Variants in ATP7B observed in about 807,000 individuals in gnomAD.
ATP7B encodes the protein copper-transporting ATPase 2.
Under a neutral mutation model 118.9 loss-of-function variants are expected in ATP7B, and 113 were observed. The ratio of observed to expected loss-of-function variants is 0.95; its 90% CI spans 0.82 to 1.11. The LOEUF is 1.11. Ranked by LOEUF, ATP7B falls within the 50% of genes most tolerant of loss-of-function variation. The probability of loss-of-function intolerance (pLI) is 0.00; values close to 1 mark genes in which losing one functional copy is unlikely to be tolerated. For missense variants in ATP7B, 1,867 were observed against 1,871.4 expected (o/e 1.00, Z 0.04); for synonymous variants, 777 against 727.4 (o/e 1.07, Z -1.10).
chr13:51,980,675 A>G (rs957847399), intron 1 of ATP7B, among the ~76,000 whole-genome samples: 1 of 152,220 alleles, frequency 6.6e-6, no homozygotes, highest in Non-Finnish European at 1.5e-5. Context: ...TGTGATCACA[A>G]ATCAAAAAAT....
chr13:51,968,489 T>A lies in ATP7B; in HGVS notation c.1662A>T (p.Ala554=), dbSNP rs772213495. The change falls in exon 4 of 21, where the codon GCA becomes GCT. Residue 554 remains alanine, a synonymous_variant. Transcript: ENST00000242839. Reference sequence around the variant, plus strand: ...CGGAGCCTGCGTAGTCCTCCATGACTGCTGCCTCAAAACCCAGGTCCTGGA... The same window carrying A: ...CGGAGCCTGCGTAGTCCTCCATGACAGCTGCCTCAAAACCCAGGTCCTGGA... ...QFIQDLGFEA[A]VMEDYAGSDG... is the part of the protein sequence containing the mutation. 6.2e-7 allele frequency: 1 copy of A among 1,614,080 alleles called. No homozygotes were observed. The highest frequency in any genetic ancestry group is 8.5e-7 in the Non-Finnish European group (1 of 1,180,042).
At chr13:51,995,904 C>T (rs892061819) in intron 1 of ATP7B, among the ~76,000 whole-genome samples, 2 of 152,202 alleles carry the variant, frequency 1.3e-5, no homozygotes, top group African/African-American at 4.8e-5. Flanking sequence ...GCCAAGGTGT[C>T]CATGAGCACA....
At chr13:51,949,979 A>G (rs530854599) in intron 11 of ATP7B, 28 bp downstream of exon 11, 93 of 1,614,028 alleles carry the variant, frequency 5.8e-5, no homozygotes, top group Non-Finnish European at 7.5e-5. Flanking sequence ...GAGAAAGATG[A>G]AGTTAGTTTT....
chr13:51,939,621 T>A (rs1438120054), intron 16 of ATP7B, among the ~76,000 whole-genome samples: 1 of 151,630 alleles, frequency 6.6e-6, no homozygotes, highest in Non-Finnish European at 1.5e-5. Flanking sequence ...CGTCTTTTCC[T>A]GCAGAAAACA....
intron 4 of ATP7B, chr13:51,966,711 TG>T (rs1951566655): frequency 6.4e-7 from 1 of 1,554,428 alleles, no homozygotes; most frequent in East Asian, 2.4e-5. Context: ...ACGTAGACCC[TG>T]CTCTGCACGC....
intron 1 of ATP7B, among the ~76,000 whole-genome samples, chr13:52,009,065 C>T (rs1407473680): frequency 1.3e-5 from 2 of 151,682 alleles, no homozygotes; most frequent in East Asian, 1.9e-4. Flanking sequence ...TTTGTATAAA[C>T]GATGTCTTGA....
chr13:51,975,050 A>G lies in ATP7B; in HGVS notation c.170T>C (p.Val57Ala). Residue 57 changes from valine to alanine, a missense_variant, in exon 2 of 21, where the codon GTG (valine) becomes GCG (alanine). Val to Ala is a moderately conservative substitution (Grantham distance 64). Coordinates refer to ENST00000242839, the MANE Select transcript of ATP7B (RefSeq NM_000053.4). ...GLDGLGPSSQVATSTVRILGM... is the reference protein window; with the variant it reads ...GLDGLGPSSQAATSTVRILGM... ...CAAGATCCTGACTGTGCTGGTGGCCACCTGAGAAGAAGGGCCCAGGCCATC... is the reference window on the plus strand; with the variant it reads ...CAAGATCCTGACTGTGCTGGTGGCCGCCTGAGAAGAAGGGCCCAGGCCATC... The G allele has an allele frequency of 1.2e-6, 2 of 1,614,234 alleles. No homozygotes were observed. The highest frequency in any genetic ancestry group is 1.7e-6 in the Non-Finnish European group (2 of 1,180,034).
chr13:51,998,096 C>T (rs973919015), intron 1 of ATP7B, among the ~76,000 whole-genome samples: 1 of 152,178 alleles, frequency 6.6e-6, no homozygotes, highest in Admixed American at 6.5e-5. Context: ...TCCTTCTTAT[C>T]CTTTAAGTCC....
chr13:51,934,250 G>C lies in ATP7B; in HGVS notation c.*506C>G, dbSNP rs192584430. 10 of 236,538 alleles carry C rather than the reference G, an allele frequency of 4.2e-5. No homozygotes were observed. The highest frequency in any genetic ancestry group is 6.8e-5 in the Non-Finnish European group (8 of 117,862). The allele number at this position is 236,538 out of a possible 1,614,324, so 14.7% of individuals were successfully genotyped here. ...AGAAAAGGAACAGACTATGTACGAA[G>C]AAAGGAACAGACTATGCAGGAAGAA... On this transcript the variant is annotated 3_prime_UTR_variant, in exon 21 of 21. Coordinates refer to ENST00000242839, the MANE Select transcript of ATP7B (RefSeq NM_000053.4).
chr13:51,958,325 C>T lies in ATP7B; in HGVS notation c.2341G>A (p.Glu781Lys), dbSNP rs1225673619. The T allele has an allele frequency of 6.2e-7, 1 of 1,614,162 alleles. No homozygotes were observed. Among genetic ancestry groups the T allele is most frequent in the Admixed American group, 1.7e-5 (1 of 60,016 alleles). Reference protein sequence around the residue: ...FVFIALGRWLEHLAKSKTSEA... With the variant: ...FVFIALGRWLKHLAKSKTSEA... ...GCTGCTGTTACCTTTGCCAAGTGTTCCAGCCACCGGCCCAGGGCAATGAAC... is the reference window on the plus strand; with the variant it reads ...GCTGCTGTTACCTTTGCCAAGTGTTTCAGCCACCGGCCCAGGGCAATGAAC... Residue 781 changes from glutamate to lysine, a missense_variant, in exon 8 of 21, where the codon GAA becomes AAA. Physicochemically the swap from Glu to Lys is moderately conservative, Grantham distance 56. Transcript: ENST00000242839.
chr13:51,974,525 G>T lies in ATP7B; in HGVS notation c.695C>A (p.Pro232Gln), dbSNP rs777932681. The change falls in exon 2 of 21, where the codon CCA becomes CAA. Residue 232 changes from proline (P) to glutamine (Q), a missense_variant. By Grantham distance (76) the Pro-to-Gln change is moderately conservative. Coordinates refer to ENST00000242839, the MANE Select transcript of ATP7B (RefSeq NM_000053.4). ...IDIERLQSTN[P>Q]KRPLSSANQN... ...GTTAGCAGAAGATAAAGGTCTCTTT[G>T]GGTTAGTGCTTTGTAACCGCTCAAT... The T allele has an allele frequency of 6.2e-7, 1 of 1,614,160 alleles. No homozygotes were observed. The highest frequency in any genetic ancestry group is 1.1e-5 in the South Asian group (1 of 91,076).
intron 19 of ATP7B, among the ~76,000 whole-genome samples, chr13:51,936,710 A>G (rs1956986831): frequency 6.6e-6 from 1 of 152,006 alleles, no homozygotes; most frequent in Non-Finnish European, 1.5e-5. Context: ...AATTTTTTGT[A>G]GAGATGGAGT....
upstream of ATP7B, among the ~76,000 whole-genome samples, chr13:52,011,725 G>C (rs913869716): frequency 2.6e-5 from 4 of 152,236 alleles, no homozygotes; most frequent in Non-Finnish European, 5.9e-5. Context: ...GTCCTCTGCC[G>C]TGCCGGCGCC....
chr13:51,940,473 C>G (rs1175511226), intron 16 of ATP7B, among the ~76,000 whole-genome samples: 12 of 151,160 alleles, frequency 7.9e-5, no homozygotes, highest in Non-Finnish European at 4.4e-5. Context: ...GGTGAAACCC[C>G]GTCTCTACTA....
Position 51,937,465 on chromosome 13 carries a change from G to A in ATP7B, c.3903+11C>T. ...TCCCAGCACCCACAGCCTGGCTGCAGCCACGCTCACTCTGATAAGGACGAC... is the reference window on the plus strand; with the variant it reads ...TCCCAGCACCCACAGCCTGGCTGCAACCACGCTCACTCTGATAAGGACGAC... On this transcript the variant is annotated intron_variant, in intron 18 of 20. Transcript: ENST00000242839. 1 of 1,614,118 alleles carries A rather than the reference G, an allele frequency of 6.2e-7. No homozygotes were observed. The highest frequency in any genetic ancestry group is 1.1e-5 in the South Asian group (1 of 91,084).
chr13:51,971,138 G>A (rs1266215672), intron 2 of ATP7B, among the ~76,000 whole-genome samples: 4 of 152,224 alleles, frequency 2.6e-5, no homozygotes, highest in Admixed American at 6.5e-5. Context: ...CTGTCCTCAA[G>A]GAGCTCCTAA....
At chr13:52,001,976 T>C (rs1953512150) in intron 1 of ATP7B, among the ~76,000 whole-genome samples, 1 of 152,068 alleles carries the variant, frequency 6.6e-6, no homozygotes. Flanking sequence ...TTTATTTATT[T>C]AGTAGAGACA....
intron 1 of ATP7B, among the ~76,000 whole-genome samples, chr13:52,002,058 A>G (rs1386969542): frequency 6.6e-6 from 1 of 152,144 alleles, no homozygotes; most frequent in Non-Finnish European, 1.5e-5. Flanking sequence ...TTGGCCTCCC[A>G]AAGTGCTGGG....
chr13:52,003,404 A>G (rs1953614976), intron 1 of ATP7B, among the ~76,000 whole-genome samples: 1 of 152,174 alleles, frequency 6.6e-6, no homozygotes, highest in African/African-American at 2.4e-5. Flanking sequence ...CAGAATGTAC[A>G]CATTTATAGA....
Sources: allele counts gnomAD v4.1 joint callset (sites outside exome capture counted in the v4.1 genomes callset), GRCh38; gene constraint gnomAD v4.1.1; transcripts MANE v1.5; gene names NCBI Gene and HGNC (gene_info 2026-07-23, HGNC 2026-07-21).